The following RIMBP2 variants were observed in gnomAD, a reference collection of about 807,000 sequenced individuals.
The protein encoded by RIMBP2 is RIMS binding protein 2, also known as RIMS-binding protein 2.
RIMBP2 carries 48 observed loss-of-function variants against 118.6 expected under a neutral mutation model. The observed-to-expected ratio is 0.40, with a 90% CI of 0.32 to 0.51. RIMBP2 has a LOEUF of 0.51. Among genes scored for constraint, RIMBP2 ranks in the 20% least tolerant of loss-of-function variants. RIMBP2 has a pLI of 0.41. For missense variants in RIMBP2, 1,551 were observed against 1,768.3 expected (o/e 0.88, Z 2.20); for synonymous variants, 762 against 742.9 (o/e 1.03, Z -0.42).
At chr12:130,665,325 G>C (rs1346540917) in intron 1 of RIMBP2, among the ~76,000 whole-genome samples, 1 of 151,524 alleles carries the variant, frequency 6.6e-6, no homozygotes, top group Non-Finnish European at 1.5e-5. Context: ...AAGAGTTCAA[G>C]ACCAGCCCGG....
rs113010195 is a variant in RIMBP2 at position 130,531,128 on chromosome 12, A to G, written c.-216-13211T>C. On this transcript the variant is annotated intron_variant, in intron 2 of 22. Transcript: ENST00000690449. ...CTCATCAAGTGATATATCTATGGCC[A>G]TAGAAATCAGACAAAATTCCTTTCC... 9.1e-3 allele frequency among the ~76,000 whole-genome samples: 1,384 copies of G among 152,370 alleles called. 22 individuals are homozygous for G. The highest frequency in any genetic ancestry group is 0.032 in the African/African-American group (1,322 of 41,578).
At chr12:130,457,412 C>T (rs760305430) in intron 6 of RIMBP2, among the ~76,000 whole-genome samples, 2 of 152,150 alleles carry the variant, frequency 1.3e-5, no homozygotes, top group Non-Finnish European at 2.9e-5. Flanking sequence ...TCAGGACAGG[C>T]CTGGGCTGTG....
intron 2 of RIMBP2, among the ~76,000 whole-genome samples, chr12:130,539,112 TATTC>T (rs2054333631): frequency 6.6e-6 from 1 of 152,212 alleles, no homozygotes; most frequent in African/African-American, 2.4e-5. Context: ...AACACACCCA[TATTC>T]ATTCATTTCC....
chr12:130,630,865 C>T (rs2061950504), intron 1 of RIMBP2, among the ~76,000 whole-genome samples: 1 of 152,028 alleles, frequency 6.6e-6, no homozygotes. Flanking sequence ...AGAGAGATTA[C>T]CATACATGCA....
chr12:130,493,666 T>A (rs1335962603), intron 4 of RIMBP2, among the ~76,000 whole-genome samples: 2 of 152,172 alleles, frequency 1.3e-5, no homozygotes, highest in African/African-American at 4.8e-5. Flanking sequence ...TGTTTTTATG[T>A]CACTCCTAGT....
chr12:130,491,268 C>T (rs764343206), intron 4 of RIMBP2, among the ~76,000 whole-genome samples: 12 of 152,186 alleles, frequency 7.9e-5, no homozygotes, highest in Non-Finnish European at 1.3e-4. Flanking sequence ...AGGCCCAGAG[C>T]GGTTAAGCAA....
intron 2 of RIMBP2, among the ~76,000 whole-genome samples, chr12:130,605,068 C>G (rs923428222): frequency 3.9e-5 from 6 of 152,014 alleles, no homozygotes; most frequent in Non-Finnish European, 7.4e-5. Flanking sequence ...CGGTAGACTC[C>G]CCGGCTAGGT....
At chr12:130,554,118 G>A (rs77991357) in intron 2 of RIMBP2, among the ~76,000 whole-genome samples, 2,618 of 152,264 alleles carry the variant, frequency 0.017, 56 homozygotes, top group African/African-American at 0.057. Flanking sequence ...AAAAAAGAGA[G>A]AGAAAGCATA....
chr12:130,573,013 C>T (rs893162085), intron 2 of RIMBP2, among the ~76,000 whole-genome samples: 1 of 152,150 alleles, frequency 6.6e-6, no homozygotes, highest in Non-Finnish European at 1.5e-5. Flanking sequence ...CTTCCCACAG[C>T]CACTGCTGGC....
chr12:130,535,728 C>CATATAT (rs1219732658), intron 2 of RIMBP2, among the ~76,000 whole-genome samples: 1 of 128,056 alleles, frequency 7.8e-6, no homozygotes, highest in Non-Finnish European at 1.6e-5. Flanking sequence ...CATATATATA[C>CATATAT]ATATATATAC....
At chr12:130,639,474 C>G (rs1360549813) in intron 1 of RIMBP2, among the ~76,000 whole-genome samples, 11 of 65,764 alleles carry the variant, frequency 1.7e-4, no homozygotes, top group Admixed American at 7.8e-4. Context: ...ACTAATAGAA[C>G]AAGATCCTGC....
In RIMBP2 at chr12:130,670,246, C is replaced by G. The variant is rs1220724727; in HGVS notation, c.-351-41790G>C. Among the ~76,000 whole-genome samples the G allele has an allele frequency of 2.0e-5, 3 of 152,110 alleles. No individual in the cohort carries two copies. Among genetic ancestry groups the G allele is most frequent in the African/African-American group, 7.2e-5 (3 of 41,424 alleles). On this transcript the variant is annotated intron_variant, in intron 1 of 22. Transcript: ENST00000690449. This position sits in a 1 kb window ranked among gnomAD's most constrained non-coding sequence, Gnocchi z 4.9. ...CCCCGCCGACACCATGATCCCGGCC[C>G]CAGGACCTCAGACTTCCGATCTCCA...
chr12:130,601,320 G>A (rs2140433250), intron 2 of RIMBP2, among the ~76,000 whole-genome samples: 1 of 109,522 alleles, frequency 9.1e-6, no homozygotes, highest in South Asian at 3.4e-4. Context: ...TGGGGATGGG[G>A]TCAAAGAGGG....
At chr12:130,610,158 C>A (rs1433180726) in intron 2 of RIMBP2, among the ~76,000 whole-genome samples, 1 of 150,168 alleles carries the variant, frequency 6.7e-6, no homozygotes, top group Non-Finnish European at 1.5e-5. Context: ...GGGAAGCCTG[C>A]TCCTCCCGGT....
chr12:130,624,001 C>T (rs1475589380), intron 2 of RIMBP2, among the ~76,000 whole-genome samples: 2 of 152,198 alleles, frequency 1.3e-5, no homozygotes, highest in Non-Finnish European at 2.9e-5. Context: ...CCTGGGGTCA[C>T]CTTCCCATGA....
At position 130,428,303 on chromosome 12, in the gene RIMBP2, T is replaced by G. The variant is rs772155310; in HGVS notation, c.2288A>C (p.Glu763Ala). ...TGAGAGGTCAGACCCCCGGCTGCTCTCTGTGTGGTACTCGTCTCCATGGCA... is the reference window on the plus strand; with the variant it reads ...TGAGAGGTCAGACCCCCGGCTGCTCGCTGTGTGGTACTCGTCTCCATGGCA... ...HCCHGDEYHT[E>A]SSRGSDLSDI... is the part of the protein sequence containing the mutation. Residue 763 changes from glutamate to alanine, a missense_variant, in exon 15 of 23, where the codon GAG becomes GCG. By Grantham distance (107) the Glu-to-Ala change is moderately radical. This residue lies in a region of RIMBP2 where 1,038 missense variants were observed against 1,125.1 expected (regional missense o/e 0.92). Coordinates refer to ENST00000690449, the MANE Select transcript of RIMBP2 (RefSeq NM_001393629.1). 1.2e-6 allele frequency: 2 copies of G among 1,612,630 alleles called. No individual in the cohort carries two copies. The highest frequency in any genetic ancestry group is 3.3e-5 in the Admixed American group (2 of 59,848).
intron 2 of RIMBP2, among the ~76,000 whole-genome samples, chr12:130,528,788 C>G (rs540000653): frequency 6.6e-6 from 1 of 152,258 alleles, no homozygotes; most frequent in East Asian, 1.9e-4. Flanking sequence ...TGGGGTTGAA[C>G]TTAGGAGAGA....
At chr12:130,671,961 T>C (rs2136455185) in intron 1 of RIMBP2, among the ~76,000 whole-genome samples, 1 of 152,316 alleles carries the variant, frequency 6.6e-6, no homozygotes, top group Middle Eastern at 3.4e-3. Flanking sequence ...ATGAATCACA[T>C]GATGCTATGG....
intron 2 of RIMBP2, among the ~76,000 whole-genome samples, chr12:130,520,627 A>C (rs2051990052): frequency 7.0e-6 from 1 of 142,608 alleles, no homozygotes. Context: ...AGCTGAGATC[A>C]CGCCATTGTA....
Sources: allele counts gnomAD v4.1 joint callset (sites outside exome capture counted in the v4.1 genomes callset), GRCh38; gene constraint gnomAD v4.1.1; regional missense constraint gnomAD v4.1.1; non-coding constraint Gnocchi (gnomAD v3.1); transcripts MANE v1.5; gene names NCBI Gene and HGNC (gene_info 2026-07-23, HGNC 2026-07-21).